GRM8: variants seen among roughly 807,000 people sequenced by gnomAD.
The protein encoded by GRM8 is glutamate metabotropic receptor 8.
In GRM8, 47 loss-of-function variants were observed where a neutral mutation model predicts 87.2. The ratio of observed to expected loss-of-function variants is 0.54; its 90% CI spans 0.43 to 0.69. The LOEUF (loss-of-function observed/expected upper bound fraction) is 0.69. Among genes scored for constraint, GRM8 ranks in the 30% least tolerant of loss-of-function variants. The pLI is 0.00. For missense variants in GRM8, 1,019 were observed against 1,139.2 expected, an observed-to-expected ratio of 0.89 and a Z score of 1.52; for synonymous variants, 396 against 404.5, an observed-to-expected ratio of 0.98 and a Z score of 0.25.
intron 3 of GRM8, among the ~76,000 whole-genome samples, chr7:127,005,508 C>T (rs1343919360): frequency 6.6e-6 from 1 of 151,752 alleles, no homozygotes; most frequent in African/African-American, 2.4e-5. Flanking sequence ...TAAGGCCAGG[C>T]TGTGAACTAT....
At chr7:126,517,401 T>TA (rs1812341644) in intron 9 of GRM8, among the ~76,000 whole-genome samples, 1 of 152,086 alleles carries the variant, frequency 6.6e-6, no homozygotes, top group Non-Finnish European at 1.5e-5. Flanking sequence ...GCATTGTTTT[T>TA]ATCCCCATTT....
chr7:126,879,948 C>T (rs944473267), intron 6 of GRM8, among the ~76,000 whole-genome samples: 3 of 152,030 alleles, frequency 2.0e-5, no homozygotes, highest in Non-Finnish European at 4.4e-5. Flanking sequence ...ACAATTTTTT[C>T]CTTTAACAGA....
At chr7:126,814,878 C>T (rs1793636763) in intron 6 of GRM8, among the ~76,000 whole-genome samples, 1 of 151,876 alleles carries the variant, frequency 6.6e-6, no homozygotes, top group Admixed American at 6.6e-5. Flanking sequence ...TCAAATGATA[C>T]CCCAGCAAAT....
chr7:126,591,938 C>T (rs1042696982), intron 8 of GRM8, among the ~76,000 whole-genome samples: 9 of 151,582 alleles, frequency 5.9e-5, no homozygotes, highest in African/African-American at 2.2e-4. Flanking sequence ...ACTGATACAT[C>T]AGAAACACAA....
At chr7:126,952,866 A>G (rs1023044924) in intron 3 of GRM8, among the ~76,000 whole-genome samples, 4 of 152,120 alleles carry the variant, frequency 2.6e-5, no homozygotes, top group African/African-American at 9.6e-5. Flanking sequence ...ACAAAATGTG[A>G]CATGGGATCC....
intron 2 of GRM8, among the ~76,000 whole-genome samples, chr7:127,233,543 T>G (rs1293828838): frequency 6.6e-6 from 1 of 152,188 alleles, no homozygotes; most frequent in Non-Finnish European, 1.5e-5. Context: ...GAGGTCACTC[T>G]CAATCCATGT....
chr7:126,728,523 A>G (rs963584736), intron 7 of GRM8, among the ~76,000 whole-genome samples: 4 of 152,110 alleles, frequency 2.6e-5, no homozygotes, highest in Non-Finnish European at 5.9e-5. Context: ...CAAACAAAGG[A>G]GCAGAGAAAG....
chr7:126,794,510 T>C (rs1010484657), intron 6 of GRM8, among the ~76,000 whole-genome samples: 3 of 152,186 alleles, frequency 2.0e-5, no homozygotes, highest in Non-Finnish European at 2.9e-5. Context: ...ACAATTCATA[T>C]TGATTTTTCT....
chr7:126,841,953 ATGT>A (rs1350041135), intron 6 of GRM8, among the ~76,000 whole-genome samples: 1 of 152,136 alleles, frequency 6.6e-6, no homozygotes, highest in African/African-American at 2.4e-5. Flanking sequence ...TTTCAAACAA[ATGT>A]TGTTGAGAGG....
chr7:126,913,978 C>A (rs549653862), intron 3 of GRM8, among the ~76,000 whole-genome samples: 1 of 152,286 alleles, frequency 6.6e-6, no homozygotes, highest in South Asian at 2.1e-4. Context: ...ACATTTTATA[C>A]TTTTTCCTCT....
intron 2 of GRM8, among the ~76,000 whole-genome samples, chr7:127,239,054 T>C (rs1330069534): frequency 6.6e-6 from 1 of 152,200 alleles, no homozygotes; most frequent in Non-Finnish European, 1.5e-5. Context: ...CACTTAGGAA[T>C]ACAAGGACTG....
intron 6 of GRM8, among the ~76,000 whole-genome samples, chr7:126,838,455 G>T (rs2130541264): frequency 6.6e-6 from 1 of 152,300 alleles, no homozygotes; most frequent in East Asian, 1.9e-4. Context: ...AAAGAGTAAT[G>T]TAAGCAACCA....
At chr7:126,545,490 C>T (rs1387036567) in intron 8 of GRM8, among the ~76,000 whole-genome samples, 1 of 152,028 alleles carries the variant, frequency 6.6e-6, no homozygotes, top group Non-Finnish European at 1.5e-5. Context: ...CAAATAATTT[C>T]CTTCAAAAAA....
chr7:127,129,115 T>A (rs945793562), intron 2 of GRM8, among the ~76,000 whole-genome samples: 3 of 152,182 alleles, frequency 2.0e-5, no homozygotes, highest in African/African-American at 7.2e-5. Context: ...TCTATAAGTA[T>A]GTCAAAATTT....
At chr7:127,211,231 C>T (rs554933713) in intron 2 of GRM8, among the ~76,000 whole-genome samples, 1 of 152,284 alleles carries the variant, frequency 6.6e-6, no homozygotes, top group South Asian at 2.1e-4. Context: ...GCTGACAGTG[C>T]AGCCTTCAGT....
intron 2 of GRM8, among the ~76,000 whole-genome samples, chr7:127,110,541 A>G (rs1348012212): frequency 6.6e-6 from 1 of 152,184 alleles, no homozygotes; most frequent in African/African-American, 2.4e-5. Context: ...AAATAAGGCC[A>G]TATTTCTATT....
intron 9 of GRM8, among the ~76,000 whole-genome samples, chr7:126,492,800 T>C (rs1808182579): frequency 6.6e-6 from 1 of 152,058 alleles, no homozygotes; most frequent in Non-Finnish European, 1.5e-5. Flanking sequence ...TTCTGTCAGA[T>C]GGACCTCTTT....
intron 9 of GRM8, among the ~76,000 whole-genome samples, chr7:126,520,442 G>T (rs1442402323): frequency 6.6e-6 from 1 of 151,978 alleles, no homozygotes; most frequent in East Asian, 1.9e-4. Flanking sequence ...TCACATTTTT[G>T]AACACGTAAA....
intron 3 of GRM8, among the ~76,000 whole-genome samples, chr7:126,944,171 T>C (rs1254085528): frequency 6.6e-6 from 1 of 152,186 alleles, no homozygotes; most frequent in East Asian, 1.9e-4. Context: ...GACATGGGCA[T>C]TCCTCTGACC....
Sources: gnomAD v4.1 joint callset for allele counts (sites outside exome capture counted in the v4.1 genomes callset) on GRCh38, gnomAD v4.1.1 for gene constraint, MANE v1.5 for transcripts, NCBI Gene and HGNC (gene_info 2026-07-23, HGNC 2026-07-21) for gene names.